SYT10: variants seen among roughly 807,000 people sequenced by gnomAD.
SYT10 encodes the protein synaptotagmin 10.
Under a neutral mutation model 51.1 loss-of-function variants are expected in SYT10, and 31 were observed. The ratio of observed to expected loss-of-function variants is 0.61; its 90% CI spans 0.46 to 0.82. The LOEUF (loss-of-function observed/expected upper bound fraction) is 0.82. Ranked by LOEUF, SYT10 falls within the 40% of genes least tolerant of loss-of-function variation. SYT10 has a pLI of 0.00. For synonymous variants in SYT10, 233 were observed against 225.9 expected, an observed-to-expected ratio of 1.03 and a Z score of -0.28; for missense variants, 603 against 634.0, an observed-to-expected ratio of 0.95 and a Z score of 0.53.
chr12:33,408,201 T>C (rs1463740551), intron 2 of SYT10: 1 of 152,104 alleles, frequency 6.6e-6, no homozygotes, highest in Non-Finnish European at 1.5e-5. Context: ...TTATAATGAG[T>C]TGTTTCTAAT....
intron 2 of SYT10, among the ~76,000 whole-genome samples, chr12:33,425,451 A>G (rs1866542305): frequency 6.6e-6 from 1 of 152,136 alleles, no homozygotes; most frequent in Non-Finnish European, 1.5e-5. Flanking sequence ...TATTTTCAAC[A>G]AAGTTTTGTT....
intron 3 of SYT10, among the ~76,000 whole-genome samples, chr12:33,402,399 C>T (rs1218531974): frequency 1.3e-5 from 2 of 152,070 alleles, no homozygotes; most frequent in Admixed American, 1.3e-4. Flanking sequence ...AGAATTCTAT[C>T]ATCATGGAAA....
chr12:33,428,747 A>G (rs548397179), intron 1 of SYT10, among the ~76,000 whole-genome samples: 1 of 152,084 alleles, frequency 6.6e-6, no homozygotes, highest in Non-Finnish European at 1.5e-5. Context: ...TCTACTAAAA[A>G]TACAAAAAAT....
chr12:33,412,074 C>A (rs958147549), intron 2 of SYT10, among the ~76,000 whole-genome samples: 1 of 151,862 alleles, frequency 6.6e-6, no homozygotes, highest in African/African-American at 2.4e-5. Context: ...GGGAGCAAAA[C>A]CCCTAAGAAG....
intron 3 of SYT10, among the ~76,000 whole-genome samples, chr12:33,393,721 C>T (rs1866229948): frequency 6.6e-6 from 1 of 152,230 alleles, no homozygotes; most frequent in South Asian, 2.1e-4. Flanking sequence ...CTCTAGATGA[C>T]CTGACTCTCG....
intron 3 of SYT10, among the ~76,000 whole-genome samples, chr12:33,388,069 G>C (rs1297866318): frequency 6.6e-6 from 1 of 151,994 alleles, no homozygotes; most frequent in African/African-American, 2.4e-5. Context: ...ATTAATAGCA[G>C]TAAGTTTAGT....
At chr12:33,426,536 A>T (rs1241896712) in intron 1 of SYT10, 41 bp from the exon 2 acceptor site, 2 of 1,433,358 alleles carry the variant, frequency 1.4e-6, no homozygotes, top group Admixed American at 2.8e-5. Context: ...TTAATATTGT[A>T]CATAAAAAAG....
At chr12:33,427,390 A>G (rs1866562002) in intron 1 of SYT10, among the ~76,000 whole-genome samples, 1 of 152,154 alleles carries the variant, frequency 6.6e-6, no homozygotes, top group African/African-American at 2.4e-5. Flanking sequence ...AGAGAAGCAG[A>G]AAATTTTTGT....
intron 3 of SYT10, among the ~76,000 whole-genome samples, chr12:33,393,014 A>AAAAAAAAAAAAT (rs1866223413): frequency 7.0e-6 from 1 of 142,712 alleles, no homozygotes; most frequent in African/African-American, 2.6e-5. Flanking sequence ...AAAAAAAAAA[A>AAAAAAAAAAAAT]TTGCAAAAAC....
intron 2 of SYT10, chr12:33,407,815 GC>G (rs1866372553): frequency 6.5e-6 from 1 of 153,884 alleles, no homozygotes; most frequent in Non-Finnish European, 1.4e-5. Context: ...TTGCTATGTT[GC>G]CCAGGCTGGT....
intron 2 of SYT10, among the ~76,000 whole-genome samples, chr12:33,409,083 C>G (rs1460788258): frequency 6.6e-6 from 1 of 151,980 alleles, no homozygotes; most frequent in Non-Finnish European, 1.5e-5. Flanking sequence ...AGTCAGTGCA[C>G]CCTCAGAACA....
At chr12:33,379,631 T>A (rs1243987703) in intron 6 of SYT10, among the ~76,000 whole-genome samples, 1 of 134,892 alleles carries the variant, frequency 7.4e-6, no homozygotes, top group African/African-American at 2.9e-5. Flanking sequence ...CCAGAAAATG[T>A]AGTGTTTTTT....
At chr12:33,390,114 T>C (rs1866190673) in intron 3 of SYT10, among the ~76,000 whole-genome samples, 1 of 152,220 alleles carries the variant, frequency 6.6e-6, no homozygotes, top group Admixed American at 6.5e-5. Context: ...TGTTGGAGAA[T>C]GTCTGGTCAA....
chr12:33,374,389 T>C lies in SYT10; in HGVS notation c.*2441A>G, dbSNP rs1866045555. 6.6e-6 allele frequency: 1 copy of C among 151,796 alleles called. No homozygotes were observed. The highest frequency in any genetic ancestry group is 1.5e-5 in the Non-Finnish European group (1 of 67,890). 9.4% of individuals were successfully genotyped at this position (151,796 alleles called of 1,614,324 possible). On this transcript the variant is annotated 3_prime_UTR_variant, in exon 7 of 7. Transcript: ENST00000228567. ...CACACAAATAAGGGGATTTGTAATATCAAATCTTATTTTAAATACTGAAAC... is the reference window on the plus strand; with the variant it reads ...CACACAAATAAGGGGATTTGTAATACCAAATCTTATTTTAAATACTGAAAC...
At chr12:33,413,440 T>C (rs1866425341) in intron 2 of SYT10, among the ~76,000 whole-genome samples, 1 of 152,132 alleles carries the variant, frequency 6.6e-6, no homozygotes, top group Admixed American at 6.6e-5. Flanking sequence ...AGAGAAAGGT[T>C]GGGTTACCCA....
chr12:33,415,405 G>A (rs1441244769), intron 2 of SYT10, among the ~76,000 whole-genome samples: 1 of 152,128 alleles, frequency 6.6e-6, no homozygotes, highest in Non-Finnish European at 1.5e-5. Context: ...ATTTCTATGT[G>A]AGCATGTCGT....
chr12:33,408,233 A>G (rs1429554577), intron 2 of SYT10: 2 of 152,180 alleles, frequency 1.3e-5, no homozygotes, highest in Non-Finnish European at 2.9e-5. Flanking sequence ...CTAAATACAT[A>G]TTTACTTTTA....
intron 6 of SYT10, among the ~76,000 whole-genome samples, chr12:33,378,763 A>C (rs1405073171): frequency 4.6e-5 from 7 of 152,114 alleles, no homozygotes; most frequent in African/African-American, 1.7e-4. Flanking sequence ...CTCAGAGAAT[A>C]CACGTCTATA....
intron 3 of SYT10, among the ~76,000 whole-genome samples, chr12:33,391,455 A>T (rs1866206484): frequency 6.6e-6 from 1 of 151,996 alleles, no homozygotes; most frequent in Non-Finnish European, 1.5e-5. Context: ...CTGTGAGGGG[A>T]GGCTTAGAGT....
Sources: allele counts gnomAD v4.1 joint callset (sites outside exome capture counted in the v4.1 genomes callset), GRCh38; gene constraint gnomAD v4.1.1; transcripts MANE v1.5; gene names NCBI Gene and HGNC (gene_info 2026-07-23, HGNC 2026-07-21).